The following PWWP2A variants were observed in gnomAD, a reference collection of about 807,000 sequenced individuals.
PWWP2A encodes PWWP domain containing 2A.
PWWP2A carries 18 observed loss-of-function variants against 48.5 expected under a neutral mutation model. That is an observed-to-expected ratio of 0.37 (90% CI 0.26 to 0.55). PWWP2A has a LOEUF of 0.55. Among genes scored for constraint, PWWP2A ranks in the 20% least tolerant of loss-of-function variants. PWWP2A has a pLI of 0.81. For synonymous variants in PWWP2A, 396 were observed against 387.7 expected, an observed-to-expected ratio of 1.02 and a Z score of -0.25; for missense variants, 867 against 976.4, an observed-to-expected ratio of 0.89 and a Z score of 1.49.
chr5:160,047,883 G>A, the PWWP2A span, among the ~76,000 whole-genome samples: 1 of 151,984 alleles, frequency 6.6e-6, no homozygotes, highest in Non-Finnish European at 1.5e-5. Context: ...CCATGACCTT[G>A]TTTTATTTTT....
downstream of PWWP2A, chr5:160,090,327 CA>C (rs1333824220): frequency 1.0e-6 from 1 of 984,492 alleles, no homozygotes; most frequent in Non-Finnish European, 1.2e-6. Flanking sequence ...CTTGGAATTA[CA>C]TATTTTGATG....
chr5:160,108,560 G>A, intron 1 of PWWP2A: 2 of 1,285,896 alleles, frequency 1.6e-6, no homozygotes, highest in Non-Finnish European at 2.0e-6. Flanking sequence ...CACCAGAATG[G>A]CTGTATATTT....
At chr5:160,114,358 T>G (rs988064338) in intron 1 of PWWP2A, among the ~76,000 whole-genome samples, 1 of 150,854 alleles carries the variant, frequency 6.6e-6, no homozygotes, top group African/African-American at 2.4e-5. Flanking sequence ...ATGGCGAAAC[T>G]CCGTCTCTAC....
At chr5:160,074,353 G>A (rs1036884448), downstream of PWWP2A, among the ~76,000 whole-genome samples, 19 of 150,364 alleles carry the variant, frequency 1.3e-4, no homozygotes, top group South Asian at 4.2e-4. Flanking sequence ...CAGGAGAATC[G>A]CTTGATCCCA....
chr5:160,045,754 A>AT, the PWWP2A span, among the ~76,000 whole-genome samples: 3 of 151,034 alleles, frequency 2.0e-5, no homozygotes, highest in African/African-American at 7.3e-5. Context: ...TTTTTATTTT[A>AT]TTTTTTGGGA....
intron 1 of PWWP2A, among the ~76,000 whole-genome samples, chr5:160,110,611 CAGG>C (rs980816272): frequency 2.0e-5 from 3 of 152,152 alleles, no homozygotes; most frequent in African/African-American, 7.2e-5. Flanking sequence ...GAGGCTGAGG[CAGG>C]AGAATTACTT....
downstream of PWWP2A, among the ~76,000 whole-genome samples, chr5:160,072,514 G>A (rs981463570): frequency 3.3e-5 from 5 of 152,164 alleles, 1 homozygote; most frequent in South Asian, 4.2e-4. Flanking sequence ...GATTGCTTTC[G>A]CCCAGGAGTT....
rs1223819850 is a variant in PWWP2A at position 160,092,072 on chromosome 5, A to T, written c.*310T>A. 3.8e-6 allele frequency: 4 copies of T among 1,048,634 alleles called. No homozygotes were observed. The highest frequency in any genetic ancestry group is 4.9e-5 in the Admixed American group (1 of 20,410). The allele number at this position is 1,048,634 out of a possible 1,614,324, so 65.0% of individuals were successfully genotyped here. ...TATGTATATATACAGTATTAGGTAC[A>T]AATGGCAATTAACAGTCCCTACAAA... On this transcript the variant is annotated 3_prime_UTR_variant, in exon 2 of 2. Transcript: ENST00000307063.
chr5:160,076,065 T>G (rs562428742), exon 4 of PWWP2A: 1 of 152,144 alleles, frequency 6.6e-6, no homozygotes, highest in Admixed American at 6.5e-5. Context: ...ATTAAGCAAC[T>G]AAAGCAATGA....
chr5:160,059,728 C>T (rs1009908480), downstream of PWWP2A, among the ~76,000 whole-genome samples: 3 of 152,192 alleles, frequency 2.0e-5, no homozygotes, highest in African/African-American at 7.2e-5. Context: ...CTGTCTTATG[C>T]GGGTGCAGTT....
At position 160,078,236 on chromosome 5, in the gene PWWP2A, T is replaced by C. The variant is rs906812084; in HGVS notation, c.1670-68A>G. On this transcript the variant is annotated intron_variant, in intron 3 of 3. Transcript: ENST00000456329. This position sits in a 1 kb window ranked among gnomAD's most constrained non-coding sequence, Gnocchi z 4.2. ...AAGTAATTATATGAGGAAAATGATG[T>C]CCTTGTTGTTTAAGCCCTACATAGA... 4.7e-6 allele frequency: 6 copies of C among 1,286,010 alleles called. No homozygotes were observed. The highest frequency in any genetic ancestry group is 2.5e-5 in the East Asian group (1 of 39,530). The allele number at this position is 1,286,010 out of a possible 1,614,324, so 79.7% of individuals were successfully genotyped here. A position where few individuals can be genotyped will look rare whatever the true frequency, so the allele number is the denominator to read the frequency against.
chr5:160,075,831 ATCT>A (rs1753859323), downstream of PWWP2A: 1 of 140,550 alleles, frequency 7.1e-6, no homozygotes, highest in Non-Finnish European at 1.6e-5. Flanking sequence ...AAAAAAAAAA[ATCT>A]TTAAAAACTA....
chr5:160,106,981 G>C (rs150285525), intron 1 of PWWP2A, among the ~76,000 whole-genome samples: 1 of 151,620 alleles, frequency 6.6e-6, no homozygotes, highest in African/African-American at 2.4e-5. Flanking sequence ...ACACCACCAC[G>C]CTCAACTAAT....
At chr5:160,069,999 C>CTT (rs1753704438) in intron 2 of PWWP2A, among the ~76,000 whole-genome samples, 1 of 152,216 alleles carries the variant, frequency 6.6e-6, no homozygotes. Flanking sequence ...ACAGAAGCAG[C>CTT]TTTTCCATTG....
downstream of PWWP2A, chr5:160,090,051 T>C: frequency 1.0e-6 from 1 of 985,450 alleles, no homozygotes; most frequent in South Asian, 4.7e-5. Context: ...AAATGAAATA[T>C]GCCAGACTGC....
intron 1 of PWWP2A, among the ~76,000 whole-genome samples, chr5:160,116,305 C>A (rs1758132495): frequency 6.6e-6 from 1 of 152,122 alleles, no homozygotes; most frequent in Admixed American, 6.6e-5. Flanking sequence ...GATCTGCCTG[C>A]CTTGGCCTCC....
At chr5:160,104,122 C>CAAAAAAAAA (rs70990703) in intron 1 of PWWP2A, among the ~76,000 whole-genome samples, 26,812 of 60,448 alleles carry the variant, frequency 0.44, 6,861 homozygotes, top group Non-Finnish European at 0.54. Flanking sequence ...GACTCTGTCT[C>CAAAAAAAAA]AAAAAAAAAA....
At chr5:160,089,565 T>TGGA, downstream of PWWP2A, 1 of 1,288,368 alleles carries the variant, frequency 7.8e-7, no homozygotes, top group South Asian at 1.2e-5. Flanking sequence ...GAGAGTTGAA[T>TGGA]GGATGTTCCT....
Position 160,070,085 on chromosome 5 carries a change from C to T in PWWP2A, c.*80-3214G>A, listed in dbSNP as rs182104609. Among the ~76,000 whole-genome samples, 693 of 152,332 alleles carry T rather than the reference C, an allele frequency of 4.5e-3. 6 individuals carry two copies. The highest frequency in any genetic ancestry group is 0.017 in the South Asian group (80 of 4,828). On this transcript the variant is annotated intron_variant and NMD_transcript_variant, in intron 2 of 5. Transcript: ENST00000524050. ...AATTCATACTCATATGGTGGTCTTT[C>T]TGTGTAGAGTGCACTGTGGATTCAT... is the stretch of plus-strand genomic sequence containing the variant.
Sources: allele counts gnomAD v4.1 joint callset (sites outside exome capture counted in the v4.1 genomes callset), GRCh38; gene constraint gnomAD v4.1.1; non-coding constraint Gnocchi (gnomAD v3.1); transcripts MANE v1.5; gene names NCBI Gene and HGNC (gene_info 2026-07-23, HGNC 2026-07-21).